DLC1: variants seen among roughly 807,000 people sequenced by gnomAD.
DLC1 encodes the protein DLC1 Rho GTPase activating protein, also known as rho GTPase-activating protein 7.
In DLC1, 54 loss-of-function variants were observed where a neutral mutation model predicts 140.3. The observed-to-expected ratio is 0.38, with a 90% CI of 0.31 to 0.48. The LOEUF (loss-of-function observed/expected upper bound fraction) is 0.48, where lower values mean the gene tolerates loss of function less well. DLC1 is among the 20% of genes least tolerant of loss of function. DLC1 has a pLI of 0.96. For missense variants in DLC1, 2,536 were observed against 1,907.0 expected, an observed-to-expected ratio of 1.33 and a Z score of -6.14; for synonymous variants, 986 against 728.1, an observed-to-expected ratio of 1.35 and a Z score of -5.70.
At chr8:13,386,246 A>G (rs959219183) in intron 4 of DLC1, among the ~76,000 whole-genome samples, 2 of 152,142 alleles carry the variant, frequency 1.3e-5, no homozygotes, top group Non-Finnish European at 2.9e-5. Flanking sequence ...AATCTATTCA[A>G]TTCTAATCTA....
intron 2 of DLC1, among the ~76,000 whole-genome samples, chr8:13,478,134 C>T (rs551957729): frequency 6.6e-6 from 1 of 152,234 alleles, no homozygotes; most frequent in South Asian, 2.1e-4. Context: ...TATGGTTCTG[C>T]AGGTTATACA....
At chr8:13,089,432 C>T (rs1285013400) in intron 15 of DLC1, among the ~76,000 whole-genome samples, 1 of 151,880 alleles carries the variant, frequency 6.6e-6, no homozygotes, top group Non-Finnish European at 1.5e-5. Context: ...CGAGACCAGC[C>T]TGGCCAATAT....
chr8:13,188,439 A>G (rs1246296391), intron 5 of DLC1, among the ~76,000 whole-genome samples: 2 of 149,182 alleles, frequency 1.3e-5, no homozygotes, highest in African/African-American at 4.9e-5. Flanking sequence ...AAAAAAAAAA[A>G]AAGAAAAGTA....
At chr8:13,547,594 G>A (rs982763077) in intron 1 of DLC1, among the ~76,000 whole-genome samples, 3 of 152,026 alleles carry the variant, frequency 2.0e-5, no homozygotes, top group Admixed American at 6.6e-5. Flanking sequence ...AGGTGTATGG[G>A]TTTTGCCTCT....
At chr8:13,380,607 C>G (rs1337435715) in intron 4 of DLC1, among the ~76,000 whole-genome samples, 1 of 152,172 alleles carries the variant, frequency 6.6e-6, no homozygotes, top group African/African-American at 2.4e-5. Context: ...AACCTTGACT[C>G]TGTGGTTTTA....
chr8:13,557,892 A>C (rs955815835), intron 1 of DLC1: 11 of 152,202 alleles, frequency 7.2e-5, no homozygotes, highest in African/African-American at 2.7e-4. Context: ...AAGAATTGCA[A>C]CTCGGGGCAT....
intron 5 of DLC1, among the ~76,000 whole-genome samples, chr8:13,161,053 C>T (rs955230271): frequency 6.6e-6 from 1 of 152,172 alleles, no homozygotes. Context: ...TGCTCTCCAG[C>T]CTGGGCGACA....
intron 5 of DLC1, chr8:13,276,981 T>C (rs1344692549): frequency 4.6e-5 from 7 of 152,324 alleles, no homozygotes; most frequent in Non-Finnish European, 2.9e-5. Context: ...AAGGAAGATA[T>C]GGCTGGAAGG....
chr8:13,250,645 G>T (rs1268533875), intron 5 of DLC1, among the ~76,000 whole-genome samples: 1 of 152,032 alleles, frequency 6.6e-6, no homozygotes, highest in Non-Finnish European at 1.5e-5. Flanking sequence ...AATACTATAA[G>T]AAAGTTCAGT....
At chr8:13,093,843 T>C (rs147559016) in intron 12 of DLC1, among the ~76,000 whole-genome samples, 1 of 152,322 alleles carries the variant, frequency 6.6e-6, no homozygotes, top group East Asian at 1.9e-4. Context: ...GTTGCTGTAA[T>C]ACCACACTGA....
intron 2 of DLC1, among the ~76,000 whole-genome samples, chr8:13,413,666 G>C (rs1355042874): frequency 2.6e-5 from 4 of 152,042 alleles, no homozygotes; most frequent in Non-Finnish European, 5.9e-5. Context: ...TCTCATGATA[G>C]TGCTTGACTT....
chr8:13,433,164 C>G (rs7842865), intron 2 of DLC1, among the ~76,000 whole-genome samples: 7,994 of 151,930 alleles, frequency 0.053, 245 homozygotes, highest in Middle Eastern at 0.085. Flanking sequence ...TTCCATGAAG[C>G]CTAAGAAGAA....
intron 5 of DLC1, among the ~76,000 whole-genome samples, chr8:13,179,992 G>A (rs1015529463): frequency 9.9e-5 from 15 of 152,050 alleles, no homozygotes; most frequent in Admixed American, 6.6e-5. Flanking sequence ...TCTTTAAAAC[G>A]TGAACACATC....
At chr8:13,522,777 T>C (rs1003226613) in intron 1 of DLC1, among the ~76,000 whole-genome samples, 1 of 152,022 alleles carries the variant, frequency 6.6e-6, no homozygotes, top group East Asian at 1.9e-4. Context: ...GGGGCAATCA[T>C]GTTATATAAT....
chr8:13,383,062 A>C (rs991390737), intron 4 of DLC1, among the ~76,000 whole-genome samples: 4 of 152,228 alleles, frequency 2.6e-5, no homozygotes, highest in African/African-American at 9.6e-5. Context: ...TTGGACCACC[A>C]AAGTATCACA....
At chr8:13,563,453 A>T (rs572364480) in intron 1 of DLC1, among the ~76,000 whole-genome samples, 290 of 152,304 alleles carry the variant, frequency 1.9e-3, no homozygotes, top group Non-Finnish European at 3.1e-3. Context: ...AATAATTTTT[A>T]AAAAATCATG....
At chr8:13,435,584 G>T (rs1839083038) in intron 2 of DLC1, among the ~76,000 whole-genome samples, 2 of 152,194 alleles carry the variant, frequency 1.3e-5, no homozygotes, top group Admixed American at 1.3e-4. Context: ...AAAGTGCTGG[G>T]ATTACAAGAG....
chr8:13,210,543 T>C (rs758477880), intron 5 of DLC1, among the ~76,000 whole-genome samples: 5 of 152,224 alleles, frequency 3.3e-5, no homozygotes, highest in Non-Finnish European at 5.9e-5. Context: ...TTTGCTCTTC[T>C]ATAGAGGTCT....
chr8:13,211,250 A>C (rs997720302), intron 5 of DLC1, among the ~76,000 whole-genome samples: 2 of 152,208 alleles, frequency 1.3e-5, no homozygotes, highest in Non-Finnish European at 2.9e-5. Flanking sequence ...CATATAGTTA[A>C]AAGTGAGCAT....
Sources: allele counts gnomAD v4.1 joint callset (sites outside exome capture counted in the v4.1 genomes callset), GRCh38; gene constraint gnomAD v4.1.1; transcripts MANE v1.5; gene names NCBI Gene and HGNC (gene_info 2026-07-23, HGNC 2026-07-21).